Variants in UBXN7 observed in about 807,000 individuals in gnomAD.
UBXN7 encodes the protein UBX domain protein 7.
In UBXN7, 9 loss-of-function variants were observed where a neutral mutation model predicts 58.0. The ratio of observed to expected loss-of-function variants is 0.16; its 90% CI spans 0.09 to 0.27. The LOEUF (loss-of-function observed/expected upper bound fraction) is 0.27, where lower values mean the gene tolerates loss of function less well. Among genes scored for constraint, UBXN7 ranks in the 10% least tolerant of loss-of-function variants. UBXN7 has a pLI of 1.00. For synonymous variants in UBXN7, 208 were observed against 205.0 expected (o/e 1.01, Z -0.12); for missense variants, 328 against 599.6 (o/e 0.55, Z 4.73).
chr3:196,390,089 G>GGT (rs1188535833), intron 5 of UBXN7, among the ~76,000 whole-genome samples: 1 of 151,854 alleles, frequency 6.6e-6, no homozygotes, highest in Non-Finnish European at 1.5e-5. Context: ...TGTGGTAGTG[G>GGT]GTGTCTGTAG....
At chr3:196,417,061 C>T (rs910548573) in intron 1 of UBXN7, among the ~76,000 whole-genome samples, 13 of 152,208 alleles carry the variant, frequency 8.5e-5, no homozygotes, top group Non-Finnish European at 1.6e-4. Context: ...CGCCTGTAAT[C>T]CCAGAACTTT....
chr3:196,372,992 G>C (rs567482293), intron 5 of UBXN7, among the ~76,000 whole-genome samples: 3 of 151,910 alleles, frequency 2.0e-5, no homozygotes, highest in Non-Finnish European at 2.9e-5. Context: ...CTCAGGTGAC[G>C]CACCCATCTC....
At chr3:196,365,624 G>T (rs1337822202) in intron 8 of UBXN7, among the ~76,000 whole-genome samples, 1 of 152,094 alleles carries the variant, frequency 6.6e-6, no homozygotes, top group African/African-American at 2.4e-5. Context: ...GGGAAAAAAG[G>T]GAAGCCACAA....
At chr3:196,415,675 G>A (rs1283472522) in intron 1 of UBXN7, among the ~76,000 whole-genome samples, 2 of 151,614 alleles carry the variant, frequency 1.3e-5, no homozygotes, top group Non-Finnish European at 2.9e-5. Context: ...CCAACTACTC[G>A]GGAGGCTGAG....
At chr3:196,405,449 G>A (rs1730131040) in intron 2 of UBXN7, among the ~76,000 whole-genome samples, 1 of 141,522 alleles carries the variant, frequency 7.1e-6, no homozygotes, top group African/African-American at 2.6e-5. Flanking sequence ...CCAGCCTGGC[G>A]ACACAGAGAG....
At chr3:196,360,534 T>A (rs1728479414) in intron 10 of UBXN7, among the ~76,000 whole-genome samples, 2 of 152,172 alleles carry the variant, frequency 1.3e-5, no homozygotes, top group Non-Finnish European at 2.9e-5. Context: ...CAGCATAACT[T>A]ACTAAATATT....
intron 5 of UBXN7, among the ~76,000 whole-genome samples, chr3:196,387,006 A>G (rs2108842942): frequency 6.6e-6 from 1 of 152,246 alleles, no homozygotes; most frequent in Admixed American, 6.5e-5. Context: ...ACTGGTACCG[A>G]AACAAATATA....
At chr3:196,361,745 T>A (rs955003289) in intron 10 of UBXN7, 99 bp downstream of exon 10, 1 of 983,836 alleles carries the variant, frequency 1.0e-6, no homozygotes, top group African/African-American at 1.6e-5. Flanking sequence ...GACTATGGAA[T>A]AATGTAAACA....
chr3:196,358,234 CAT>C (rs978716660), intron 10 of UBXN7, among the ~76,000 whole-genome samples: 8 of 152,166 alleles, frequency 5.3e-5, no homozygotes, highest in African/African-American at 7.2e-5. Context: ...AGAAGAGAAA[CAT>C]AGAGAAAAAC....
intron 8 of UBXN7, among the ~76,000 whole-genome samples, chr3:196,367,286 G>C (rs1431246614): frequency 6.6e-6 from 1 of 151,886 alleles, no homozygotes; most frequent in Non-Finnish European, 1.5e-5. Context: ...CTGTATCTTT[G>C]CAAGTTCAGT....
chr3:196,420,542 AAAATT>A (rs975814666), intron 1 of UBXN7, among the ~76,000 whole-genome samples: 1 of 151,938 alleles, frequency 6.6e-6, no homozygotes, highest in African/African-American at 2.4e-5. Flanking sequence ...AAAAAAAAAA[AAAATT>A]AAATTAAATT....
At chr3:196,378,090 TG>T (rs1274855735) in intron 5 of UBXN7, among the ~76,000 whole-genome samples, 1 of 152,212 alleles carries the variant, frequency 6.6e-6, no homozygotes, top group Non-Finnish European at 1.5e-5. Context: ...TATGTGTTTG[TG>T]TGTGTTTGTT....
chr3:196,432,256 G>C, intron 1 of UBXN7, 71 bp downstream of exon 1: 1 of 1,587,686 alleles, frequency 6.3e-7, no homozygotes, highest in Non-Finnish European at 8.6e-7. Flanking sequence ...TGAAGGTAAG[G>C]GGAAGCCCGG....
At chr3:196,362,032 G>T in intron 9 of UBXN7, 109 bp from the exon 10 acceptor site, 1 of 1,172,130 alleles carries the variant, frequency 8.5e-7, no homozygotes, top group Non-Finnish European at 1.2e-6. Flanking sequence ...AATTACTCAA[G>T]TGTTTTGCTG....
intron 5 of UBXN7, among the ~76,000 whole-genome samples, chr3:196,376,107 GAAAATATATT>G (rs1729011230): frequency 6.6e-6 from 1 of 152,034 alleles, no homozygotes; most frequent in Non-Finnish European, 1.5e-5. Context: ...AAGTCGAGAA[GAAAATATATT>G]AAAATATACA....
chr3:196,398,692 G>A (rs1729854301), intron 3 of UBXN7, among the ~76,000 whole-genome samples: 1 of 152,168 alleles, frequency 6.6e-6, no homozygotes, highest in South Asian at 2.1e-4. Context: ...GAAGTGCAGT[G>A]GTGCAATCAT....
At chr3:196,390,844 G>A (rs1330910336) in intron 5 of UBXN7, among the ~76,000 whole-genome samples, 1 of 151,864 alleles carries the variant, frequency 6.6e-6, no homozygotes, top group Non-Finnish European at 1.5e-5. Context: ...CAAGCTGTTT[G>A]AACACCTCAA....
chr3:196,432,158 G>T, intron 1 of UBXN7, 169 bp downstream of exon 1: 1 of 897,448 alleles, frequency 1.1e-6, no homozygotes, highest in South Asian at 1.4e-5. Context: ...GCTGTCTCCC[G>T]CCTGAACCCG....
intron 7 of UBXN7, among the ~76,000 whole-genome samples, 195 bp downstream of exon 7, chr3:196,369,226 C>A (rs929018243): frequency 2.6e-5 from 4 of 152,148 alleles, no homozygotes; most frequent in African/African-American, 9.7e-5. Flanking sequence ...TACCATCTCC[C>A]AATGTTGCCA....
Sources: gnomAD v4.1 joint callset for allele counts (sites outside exome capture counted in the v4.1 genomes callset) on GRCh38, gnomAD v4.1.1 for gene constraint, MANE v1.5 for transcripts, NCBI Gene and HGNC (gene_info 2026-07-23, HGNC 2026-07-21) for gene names.